The following KDR variants were observed in gnomAD, a reference collection of about 807,000 sequenced individuals.
KDR encodes vascular endothelial growth factor receptor 2.
KDR carries 43 observed loss-of-function variants against 160.9 expected under a neutral mutation model. The observed-to-expected ratio is 0.27, with a 90% confidence interval of 0.21 to 0.34. KDR has a LOEUF of 0.34. Ranked by LOEUF, KDR falls within the 10% of genes least tolerant of loss-of-function variation. The pLI is 1.00. For synonymous variants in KDR, 617 were observed against 600.1 expected (o/e 1.03, Z -0.41); for missense variants, 1,469 against 1,666.4 (o/e 0.88, Z 2.06).
At chr4:55,098,006 A>G (rs1720205146) in intron 17 of KDR, 131 bp downstream of exon 17, 2 of 1,269,734 alleles carry the variant, frequency 1.6e-6, no homozygotes, top group African/African-American at 1.5e-5. Context: ...GATTATACAA[A>G]TTCAAGAAAT....
At position 55,093,008 on chromosome 4, in the gene KDR, A is replaced by G. The variant is rs938412709; in HGVS notation, c.2972-294T>C. 2.6e-5 allele frequency among the ~76,000 whole-genome samples: 4 copies of G among 152,176 alleles called. 1 individual carries two copies. Among genetic ancestry groups the G allele is most frequent in the Admixed American group, 2.0e-4 (3 of 15,280 alleles). ...AGATAATCTGGGAAATAAAGAGGAC[A>G]TTTCCAAATTTGCCACTTACACTGT... On this transcript the variant is annotated intron_variant, in intron 21 of 29. Coordinates refer to ENST00000263923, the MANE Select transcript of KDR (RefSeq NM_002253.4).
At chr4:55,096,883 C>G (rs1053531052) in intron 18 of KDR, among the ~76,000 whole-genome samples, 1 of 152,212 alleles carries the variant, frequency 6.6e-6, no homozygotes, top group Non-Finnish European at 1.5e-5. Flanking sequence ...GACTGCTACA[C>G]TTCCCACTAA....
At chr4:55,097,848 T>C in intron 17 of KDR, 82 bp from the exon 18 acceptor site, 1 of 997,256 alleles carries the variant, frequency 1.0e-6, no homozygotes, top group Admixed American at 1.8e-5. Flanking sequence ...ATCAACTAGA[T>C]AGGGTGACCA....
chr4:55,105,342 G>A (rs1207101191), intron 12 of KDR, among the ~76,000 whole-genome samples: 1 of 152,166 alleles, frequency 6.6e-6, no homozygotes, highest in East Asian at 1.9e-4. Flanking sequence ...CTACATTTAT[G>A]CCAATGAATT....
chr4:55,106,750 G>T lies in KDR; in HGVS notation c.1473C>A (p.Phe491Leu). The T allele has an allele frequency of 6.3e-7, 1 of 1,593,780 alleles. No individual in the cohort carries two copies. Among genetic ancestry groups the T allele is most frequent in the South Asian group, 1.1e-5 (1 of 90,734 alleles). Residue 491 changes from phenylalanine (F) to leucine (L), a missense_variant, in exon 11 of 30, where the codon TTC (phenylalanine) becomes TTA (leucine). Coordinates refer to ENST00000263923, the MANE Select transcript of KDR (RefSeq NM_002253.4). ...TAACTTCAATTTTATTTCCTCCCTG[G>T]AAGTCCTCCACACTTCTCCATTCTT... ...PCEEWRSVED[F>L]QGGNKIEVNK...
intron 15 of KDR, among the ~76,000 whole-genome samples, chr4:55,099,506 T>A (rs528767785): frequency 2.4e-4 from 36 of 152,154 alleles, no homozygotes; most frequent in African/African-American, 8.2e-4. Context: ...GAAAAAAAAA[T>A]ATTTCTATTT....
At chr4:55,082,422 C>T (rs912777456) in intron 28 of KDR, 114 bp downstream of exon 28, 34 of 791,220 alleles carry the variant, frequency 4.3e-5, no homozygotes, top group Non-Finnish European at 5.2e-5. Flanking sequence ...TACACACACT[C>T]GAGGGCAGCC....
rs748129311 is a variant in KDR, at chr4:55,106,804, A to G, written c.1419T>C (p.Ala473=). 3.7e-6 allele frequency: 6 copies of G among 1,608,192 alleles called. No individual in the cohort carries two copies. In the South Asian group the frequency reaches 5.5e-5, roughly 15 times the overall value. The change falls in exon 11 of 30, where the codon GCT becomes GCC. Residue 473 remains alanine, a synonymous_variant. Transcript: ENST00000263923. ...AAGGGTATGGGTTTGTCACTGAGAC[A>G]GCTTGGCTATAAGAAAGAGATAACA... ...EEECANEPSQ[A]VSVTNPYPCE...
rs41454649 is a variant in KDR at position 55,089,044 on chromosome 4, G to T, written c.3405-71C>A. ...GAATGCTGAAAATAAGCACTTAAATGAGTACACATTTGTAAAGAGCTGACG... is the reference window on the plus strand; with the variant it reads ...GAATGCTGAAAATAAGCACTTAAATTAGTACACATTTGTAAAGAGCTGACG... On this transcript the variant is annotated intron_variant, in intron 25 of 29. Coordinates refer to ENST00000263923, the MANE Select transcript of KDR (RefSeq NM_002253.4). 4.6e-6 allele frequency: 5 copies of T among 1,097,794 alleles called. No homozygotes were observed. The East Asian group carries it at 1.2e-4, about 27-fold the overall frequency. The allele number at this position is 1,097,794 out of a possible 1,614,324, so 68.0% of individuals were successfully genotyped here. A position where few individuals can be genotyped will look rare whatever the true frequency, so the allele number is the denominator to read the frequency against.
At chr4:55,125,126 C>G (rs1224127974) in intron 1 of KDR, 101 bp downstream of exon 1, 3 of 1,099,714 alleles carry the variant, frequency 2.7e-6, no homozygotes, top group Non-Finnish European at 4.1e-6. Flanking sequence ...CAAGTCCTGT[C>G]CAACTCTCCA....
chr4:55,082,702 C>A, intron 27 of KDR, 67 bp from the exon 28 acceptor site: 1 of 1,154,244 alleles, frequency 8.7e-7, no homozygotes, highest in East Asian at 2.3e-5. Context: ...TACCTAAGTT[C>A]ATTATCTTTC....
At position 55,082,516 on chromosome 4, in the gene KDR, T is replaced by C; in HGVS notation, c.3762+20A>G. The C allele has an allele frequency of 1.3e-6, 2 of 1,517,038 alleles. No homozygotes were observed. The allele number at this position is 1,517,038 out of a possible 1,614,324, so 94.0% of individuals were successfully genotyped here. ...ATCCTTTGTATTATTTCTAAGACTATTTTTAAAAGACGTACTTACATCTGG... is the reference window on the plus strand; with the variant it reads ...ATCCTTTGTATTATTTCTAAGACTACTTTTAAAAGACGTACTTACATCTGG... On this transcript the variant is annotated intron_variant, in intron 28 of 29. Transcript: ENST00000263923.
chr4:55,121,776 T>C (rs77317629), intron 1 of KDR, among the ~76,000 whole-genome samples: 1 of 152,066 alleles, frequency 6.6e-6, no homozygotes, highest in Non-Finnish European at 1.5e-5. Context: ...GGAGAGAAAC[T>C]GAGGAAGAGA....
Position 55,092,700 on chromosome 4 carries a change from A to C in KDR, c.2986T>G (p.Tyr996Asp). 6.2e-7 allele frequency: 1 copy of C among 1,613,092 alleles called. No individual in the cohort carries two copies. The highest frequency in any genetic ancestry group is 8.5e-7 in the Non-Finnish European group (1 of 1,179,118). Residue 996 changes from tyrosine (Y) to aspartate (D), a missense_variant, in exon 22 of 30, where the codon TAT becomes GAT. By Grantham distance (160) the Tyr-to-Asp change is radical (BLOSUM62 -3). Transcript: ENST00000263923. ...VEEEEAPEDL[Y>D]KDFLTLEHLI... ...TGCTCCAAGGTCAGGAAGTCCTTAT[A>C]CAGATCTTCAGGAGCTGTCCAAAGA...
chr4:55,081,714 C>A (rs983877913), intron 29 of KDR, among the ~76,000 whole-genome samples: 10 of 152,240 alleles, frequency 6.6e-5, no homozygotes, highest in African/African-American at 2.4e-4. Context: ...CACAGAAATT[C>A]CCTAGTATTC....
At chr4:55,115,995 G>A (rs1560523574) in intron 3 of KDR, among the ~76,000 whole-genome samples, 1 of 152,214 alleles carries the variant, frequency 6.6e-6, no homozygotes, top group Non-Finnish European at 1.5e-5. Flanking sequence ...AGATTCTGAA[G>A]ACTAGGGATA....
At chr4:55,112,523 A>ATTTTT (rs72203928) in intron 7 of KDR, among the ~76,000 whole-genome samples, 3 of 117,170 alleles carry the variant, frequency 2.6e-5, no homozygotes, top group Non-Finnish European at 5.2e-5. Flanking sequence ...TTATACCTTG[A>ATTTTT]TTTTTTTTTT....
In KDR at chr4:55,125,531, C is replaced by G; in HGVS notation, c.-238G>C. 1.7e-6 allele frequency: 1 copy of G among 602,790 alleles called. No individual in the cohort carries two copies. Among genetic ancestry groups the G allele is most frequent in the Non-Finnish European group, 3.0e-6 (1 of 338,704 alleles). The allele number at this position is 602,790 out of a possible 1,614,324, so 37.3% of individuals were successfully genotyped here. A position where few individuals can be genotyped will look rare whatever the true frequency, so the allele number is the denominator to read the frequency against. ...CTTTCTGCGGCGCGCAAGTGATGCCCGGCGCAGGCAGAGGAAACGCAGCGA... is the reference window on the plus strand; with the variant it reads ...CTTTCTGCGGCGCGCAAGTGATGCCGGGCGCAGGCAGAGGAAACGCAGCGA... On this transcript the variant is annotated 5_prime_UTR_variant, in exon 1 of 30. Transcript: ENST00000263923.
chr4:55,102,252 G>C, intron 14 of KDR, 110 bp downstream of exon 14: 1 of 1,372,142 alleles, frequency 7.3e-7, no homozygotes, highest in South Asian at 1.2e-5. Context: ...CCAGGTCATG[G>C]ACACCAATAC....
Sources: gnomAD v4.1 joint callset for allele counts (sites outside exome capture counted in the v4.1 genomes callset) on GRCh38, gnomAD v4.1.1 for gene constraint, MANE v1.5 for transcripts, NCBI Gene and HGNC (gene_info 2026-07-23, HGNC 2026-07-21) for gene names.